The following IL17RD variants were observed in gnomAD, a reference collection of about 807,000 sequenced individuals.
IL17RD encodes the protein interleukin 17 receptor D.
Under a neutral mutation model 80.5 loss-of-function variants are expected in IL17RD, and 52 were observed. The observed-to-expected ratio is 0.65, with a 90% CI of 0.52 to 0.81. The LOEUF is 0.81. IL17RD is among the 40% of genes least tolerant of loss of function. The pLI, the probability that IL17RD is intolerant of heterozygous loss-of-function variation, is 0.00. For missense variants in IL17RD, 1,024 were observed against 955.1 expected (o/e 1.07, Z -0.95); for synonymous variants, 416 against 391.8 (o/e 1.06, Z -0.73).
intron 2 of IL17RD, among the ~76,000 whole-genome samples, chr3:57,117,296 T>C (rs1220537577): frequency 6.6e-6 from 1 of 152,102 alleles, no homozygotes; most frequent in African/African-American, 2.4e-5. Flanking sequence ...GTATTTTTAG[T>C]AGAGACAGAG....
In IL17RD at chr3:57,131,627, C is replaced by T. The variant is rs76872662; in HGVS notation, c.127-11314G>A. ...TACAGCTGCAATCCTACCGTCATCC[C>T]TCTCTTGGCAATACTATCACCACCA... On this transcript the variant is annotated intron_variant, in intron 1 of 12. Coordinates refer to ENST00000296318, the MANE Select transcript of IL17RD (RefSeq NM_017563.5). Among the ~76,000 whole-genome samples the T allele has an allele frequency of 7.5e-3, 1,146 of 152,314 alleles. 15 individuals are homozygous for T. The highest frequency in any genetic ancestry group is 0.026 in the African/African-American group (1,079 of 41,562).
At chr3:57,157,287 A>G (rs146770473) in intron 1 of IL17RD, among the ~76,000 whole-genome samples, 4,051 of 152,292 alleles carry the variant, frequency 0.027, 83 homozygotes, top group South Asian at 0.047. Flanking sequence ...AAGCCCGTTC[A>G]AGTTTCTCTG....
At chr3:57,109,727 G>C (rs1414784120) in intron 4 of IL17RD, 70 bp from the exon 5 acceptor site, 9 of 1,487,228 alleles carry the variant, frequency 6.1e-6, no homozygotes, top group Admixed American at 2.0e-5. Context: ...TAAGGTCTTC[G>C]CTCCTACCCC....
Position 57,104,343 on chromosome 3 carries a change from T to G in IL17RD, c.812A>C (p.Glu271Ala). 6.2e-7 allele frequency: 1 copy of G among 1,601,844 alleles called. No homozygotes were observed. Among genetic ancestry groups the G allele is most frequent in the South Asian group, 1.1e-5 (1 of 89,822 alleles). The change falls in exon 8 of 13, where the codon GAG becomes GCG. Residue 271 changes from glutamate (E) to alanine (A), a missense_variant and splice_region_variant. Transcript: ENST00000296318. ...QNVSPGDYII[E>A]LVDDTNTTRK... is the part of the protein sequence containing the mutation. ...AGGGCTTTCTTGTGTTATGCATACC[T>G]CAATTATATAATCCCCTGGAGAAAC...
chr3:57,096,997 T>G (rs1166631263), intron 12 of IL17RD, among the ~76,000 whole-genome samples: 1 of 135,530 alleles, frequency 7.4e-6, no homozygotes, highest in African/African-American at 2.9e-5. Flanking sequence ...AGGGTGAGAC[T>G]CCATCTCAAA....
intron 1 of IL17RD, among the ~76,000 whole-genome samples, chr3:57,146,983 C>T (rs551747854): frequency 2.1e-4 from 30 of 141,124 alleles, no homozygotes; most frequent in African/African-American, 6.6e-4. Flanking sequence ...CAACCATGCC[C>T]GGCTAATTTT....
chr3:57,110,743 AT>A (rs1318304287), intron 3 of IL17RD, among the ~76,000 whole-genome samples: 3 of 152,182 alleles, frequency 2.0e-5, no homozygotes, highest in Non-Finnish European at 1.5e-5. Context: ...TTAGCTCTAC[AT>A]TTTTTGGCAC....
chr3:57,164,826 G>T (rs2060334761), intron 1 of IL17RD: 2 of 960,290 alleles, frequency 2.1e-6, no homozygotes, highest in South Asian at 2.6e-5. Flanking sequence ...GCCCTGGGAC[G>T]AAGGAGGTCC....
chr3:57,106,036 C>T (rs1706957308), intron 6 of IL17RD, 28 bp from the exon 7 acceptor site: 1 of 1,613,216 alleles, frequency 6.2e-7, no homozygotes, highest in Non-Finnish European at 8.5e-7. Flanking sequence ...CCAGAGTGAG[C>T]AACCAGAGGC....
intron 1 of IL17RD, chr3:57,134,418 T>C (rs1559479879): frequency 2.7e-6 from 2 of 736,822 alleles, no homozygotes; most frequent in Non-Finnish European, 4.9e-6. Context: ...GAACGTAACT[T>C]GGATGAGGAG....
rs1022159944 is a variant in IL17RD at position 57,134,660 on chromosome 3, C to T, written c.127-14347G>A. On this transcript the variant is annotated intron_variant, in intron 1 of 12. Transcript: ENST00000296318. ...AGGAAGCACGCAAGCACCATGAAGA[C>T]CGCCTACAGGCCAAGGAGGAGATCA... 6 of 742,034 alleles carry T rather than the reference C, an allele frequency of 8.1e-6. No individual in the cohort carries two copies. The African/African-American group carries it at 1.0e-4, about 13-fold the overall frequency. 46.0% of individuals were successfully genotyped at this position (742,034 alleles called of 1,614,324 possible).
chr3:57,163,803 A>AGGGGGGGGGGGGG (rs1401715931), intron 1 of IL17RD, among the ~76,000 whole-genome samples: 9 of 5,522 alleles, frequency 1.6e-3, no homozygotes, highest in Admixed American at 4.5e-3. Flanking sequence ...CGGGGGGGGA[A>AGGGGGGGGGGGGG]GGGGGTGGCG....
At chr3:57,165,374 G>C (rs986893708), upstream of IL17RD, 68 of 1,128,948 alleles carry the variant, frequency 6.0e-5, no homozygotes, top group South Asian at 2.6e-3. Flanking sequence ...CGCGGCGGCC[G>C]CGGCGGCAGC....
intron 1 of IL17RD, among the ~76,000 whole-genome samples, chr3:57,148,302 GCA>G (rs1707979176): frequency 2.0e-5 from 3 of 147,378 alleles, no homozygotes; most frequent in South Asian, 2.1e-4. Context: ...TCCAGCCTGG[GCA>G]ACAGAGCGAG....
At chr3:57,163,651 C>T (rs1446874295) in intron 1 of IL17RD, among the ~76,000 whole-genome samples, 2 of 152,006 alleles carry the variant, frequency 1.3e-5, no homozygotes, top group Non-Finnish European at 2.9e-5. Flanking sequence ...CGAGATCCTC[C>T]TTGAGGAAAC....
At chr3:57,141,119 C>A (rs1176799002) in intron 1 of IL17RD, among the ~76,000 whole-genome samples, 1 of 152,090 alleles carries the variant, frequency 6.6e-6, no homozygotes, top group Admixed American at 6.6e-5. Context: ...CCTGGCTGGG[C>A]TGAAACTCCT....
rs115551217 is a variant in IL17RD at position 57,094,449 on chromosome 3, C to T, written c.*1944G>A. ...TTAAGGAGTGAGTTCACATAGCAAG[C>T]TCTCTGCCCACACACCCTTGGAGCT... On this transcript the variant is annotated 3_prime_UTR_variant, in exon 13 of 13. Coordinates refer to ENST00000296318, the MANE Select transcript of IL17RD (RefSeq NM_017563.5). The T allele has an allele frequency of 1.5e-3, 233 of 152,310 alleles. No individual in the cohort carries two copies. Among genetic ancestry groups the T allele is most frequent in the African/African-American group, 5.3e-3 (219 of 41,574 alleles). 9.4% of individuals were successfully genotyped at this position (152,310 alleles called of 1,614,324 possible).
At chr3:57,166,688 T>C (rs1364748829), upstream of IL17RD, among the ~76,000 whole-genome samples, 1 of 152,234 alleles carries the variant, frequency 6.6e-6, no homozygotes, top group Non-Finnish European at 1.5e-5. Context: ...TGGCTTTCTC[T>C]TCCACTCTGT....
chr3:57,118,458 T>C (rs1170506990), intron 2 of IL17RD, among the ~76,000 whole-genome samples: 1 of 152,232 alleles, frequency 6.6e-6, no homozygotes, highest in East Asian at 1.9e-4. Flanking sequence ...GCCCTTTACT[T>C]ACATTGATTC....
Sources: gnomAD v4.1 joint callset for allele counts (sites outside exome capture counted in the v4.1 genomes callset) on GRCh38, gnomAD v4.1.1 for gene constraint, MANE v1.5 for transcripts, NCBI Gene and HGNC (gene_info 2026-07-23, HGNC 2026-07-21) for gene names.